The following SV2C variants were observed in gnomAD, a reference collection of about 807,000 sequenced individuals.
SV2C encodes solute carrier family 22 member B3.
In SV2C, 49 loss-of-function variants were observed where a neutral mutation model predicts 79.7. The observed-to-expected ratio is 0.61, with a 90% confidence interval of 0.49 to 0.78. The LOEUF (loss-of-function observed/expected upper bound fraction) is 0.78, where lower values mean the gene tolerates loss of function less well. Among genes scored for constraint, SV2C ranks in the 30% least tolerant of loss-of-function variants. The pLI is 0.00. For missense variants in SV2C, 833 were observed against 912.9 expected, an observed-to-expected ratio of 0.91 and a Z score of 1.13; for synonymous variants, 334 against 333.2, an observed-to-expected ratio of 1.00 and a Z score of -0.03.
chr5:76,119,250 G>C (rs1748396104), intron 1 of SV2C, among the ~76,000 whole-genome samples: 1 of 152,138 alleles, frequency 6.6e-6, no homozygotes, highest in East Asian at 1.9e-4. Flanking sequence ...TCAACCTCTG[G>C]GTCAAGATGG....
At chr5:76,164,465 G>A (rs1310261928) in intron 2 of SV2C, among the ~76,000 whole-genome samples, 1 of 152,210 alleles carries the variant, frequency 6.6e-6, no homozygotes, top group Non-Finnish European at 1.5e-5. Context: ...CAAAGGAAAA[G>A]TCAGCTAGAT....
chr5:75,945,466 C>A, the SV2C span, among the ~76,000 whole-genome samples: 8 of 151,510 alleles, frequency 5.3e-5, no homozygotes, highest in African/African-American at 1.9e-4. Flanking sequence ...TGCATGCCAC[C>A]ACACCAAGCT....
At chr5:76,077,381 T>C in the SV2C span, among the ~76,000 whole-genome samples, 9 of 152,350 alleles carry the variant, frequency 5.9e-5, no homozygotes, top group East Asian at 1.7e-3. Context: ...AACCAATAGA[T>C]AAATAGAGAT....
At chr5:75,957,903 T>A in the SV2C span, among the ~76,000 whole-genome samples, 1 of 152,008 alleles carries the variant, frequency 6.6e-6, no homozygotes. Flanking sequence ...TTGCTAGGCA[T>A]CTTTGGACTT....
At chr5:76,187,750 CA>C (rs5868811) in intron 2 of SV2C, among the ~76,000 whole-genome samples, 108,404 of 144,416 alleles carry the variant, frequency 0.75, 40,147 homozygotes, top group East Asian at 0.9. Flanking sequence ...TTTCAAATTG[CA>C]AAAAAAAAAA....
At chr5:75,983,382 T>C in the SV2C span, among the ~76,000 whole-genome samples, 1 of 151,952 alleles carries the variant, frequency 6.6e-6, no homozygotes, top group African/African-American at 2.4e-5. Flanking sequence ...TTTAGAAAAA[T>C]GACATCAAAA....
At chr5:75,870,590 A>T in the SV2C span, among the ~76,000 whole-genome samples, 3 of 152,206 alleles carry the variant, frequency 2.0e-5, no homozygotes, top group Admixed American at 1.3e-4. Context: ...AGGGGTAAGA[A>T]GTTTATTCAA....
chr5:75,888,719 C>T, the SV2C span, among the ~76,000 whole-genome samples: 1 of 152,094 alleles, frequency 6.6e-6, no homozygotes. Flanking sequence ...GTTCCCGTGG[C>T]TTAGCATAAT....
At chr5:76,000,538 A>C in the SV2C span, among the ~76,000 whole-genome samples, 70,686 of 152,008 alleles carry the variant, frequency 0.47, 17,251 homozygotes, top group Middle Eastern at 0.63. Flanking sequence ...TTCTGTGCAC[A>C]CTCAAATTCG....
Position 76,173,080 on chromosome 5 carries a change from A to T in SV2C, c.581-21839A>T, listed in dbSNP as rs536020069. Among the ~76,000 whole-genome samples the T allele has an allele frequency of 1.1e-3, 157 of 146,926 alleles. 12 individuals are homozygous for T. The highest frequency in any genetic ancestry group is 1.8e-3 in the Non-Finnish European group (116 of 65,780). ...TTAAAAAAAAATACAAAAAAAAAAA[A>T]ATTAAAAAAACTATATAGCTGTGTT... On this transcript the variant is annotated intron_variant, in intron 2 of 12. Coordinates refer to ENST00000502798, the MANE Select transcript of SV2C (RefSeq NM_014979.4).
At chr5:76,285,104 T>A in intron 4 of SV2C, 58 bp from the exon 5 acceptor site, 1 of 1,599,076 alleles carries the variant, frequency 6.3e-7, no homozygotes, top group Non-Finnish European at 8.5e-7. Context: ...CCGGGTGATG[T>A]TCCCAGGAGG....
chr5:75,970,318 A>G, the SV2C span, among the ~76,000 whole-genome samples: 2 of 152,134 alleles, frequency 1.3e-5, no homozygotes, highest in African/African-American at 4.8e-5. Context: ...AGAAATAACT[A>G]AGATCAGAGC....
At chr5:76,271,215 T>C (rs2112473150) in intron 4 of SV2C, among the ~76,000 whole-genome samples, 2 of 152,300 alleles carry the variant, frequency 1.3e-5, no homozygotes, top group South Asian at 4.1e-4. Flanking sequence ...TCCTCCTCAA[T>C]CCCACAGTTT....
the SV2C span, among the ~76,000 whole-genome samples, chr5:75,870,455 T>C: frequency 2.0e-5 from 3 of 151,010 alleles, no homozygotes; most frequent in Admixed American, 1.3e-4. Flanking sequence ...TATTTGAAAA[T>C]ACACAGAGGA....
At chr5:75,917,104 C>T in the SV2C span, among the ~76,000 whole-genome samples, 1 of 152,238 alleles carries the variant, frequency 6.6e-6, no homozygotes, top group Admixed American at 6.5e-5. Context: ...TCCCACTCCT[C>T]TACGGAGATT....
At chr5:76,193,889 A>G (rs1451153527) in intron 2 of SV2C, among the ~76,000 whole-genome samples, 1 of 152,220 alleles carries the variant, frequency 6.6e-6, no homozygotes, top group East Asian at 1.9e-4. Flanking sequence ...GTGAACCAAC[A>G]TATGGAATGT....
At chr5:75,888,074 T>C in the SV2C span, among the ~76,000 whole-genome samples, 1 of 152,146 alleles carries the variant, frequency 6.6e-6, no homozygotes, top group Non-Finnish European at 1.5e-5. Flanking sequence ...TATTCTATCA[T>C]TATCGAAAAT....
chr5:76,291,096 T>C, intron 6 of SV2C, 125 bp from the exon 7 acceptor site: 1 of 591,538 alleles, frequency 1.7e-6, no homozygotes, highest in Non-Finnish European at 3.0e-6. Context: ...ATGTATGAAC[T>C]GATTACCAAA....
the SV2C span, among the ~76,000 whole-genome samples, chr5:75,952,511 AG>A: frequency 2.0e-5 from 3 of 151,606 alleles, no homozygotes. Flanking sequence ...GCCTGGTGGG[AG>A]GTATTGGATC....
Sources: allele counts gnomAD v4.1 joint callset (sites outside exome capture counted in the v4.1 genomes callset), GRCh38; gene constraint gnomAD v4.1.1; transcripts MANE v1.5; gene names NCBI Gene and HGNC (gene_info 2026-07-23, HGNC 2026-07-21).